The following CSTPP1 variants were observed in gnomAD, a reference collection of about 807,000 sequenced individuals.
CSTPP1 encodes centriolar satellite-associated tubulin polyglutamylase complex regulator 1.
chr11:47,081,376 G>C, the CSTPP1 span, among the ~76,000 whole-genome samples: 2 of 151,978 alleles, frequency 1.3e-5, no homozygotes, highest in African/African-American at 4.8e-5. Context: ...CTGTTATAAA[G>C]CTATAATAAT....
At chr11:47,021,154 A>G in the CSTPP1 span, among the ~76,000 whole-genome samples, 1 of 152,216 alleles carries the variant, frequency 6.6e-6, no homozygotes, top group African/African-American at 2.4e-5. Flanking sequence ...TAACCACTAC[A>G]TTGGTTTTAG....
chr11:46,983,034 A>C, the CSTPP1 span, among the ~76,000 whole-genome samples: 2,778 of 152,306 alleles, frequency 0.018, 100 homozygotes, highest in African/African-American at 0.062. Context: ...AAGAACCCAT[A>C]TTCTTAACCA....
chr11:47,132,795 C>T, the CSTPP1 span, among the ~76,000 whole-genome samples: 3 of 152,204 alleles, frequency 2.0e-5, no homozygotes, highest in Non-Finnish European at 4.4e-5. Context: ...CCTTCACAAA[C>T]CAGCTGGATC....
chr11:47,029,677 A>T, the CSTPP1 span, among the ~76,000 whole-genome samples: 4 of 151,604 alleles, frequency 2.6e-5, no homozygotes, highest in Non-Finnish European at 4.4e-5. Context: ...CTTTGGTCTT[A>T]TATATTCTGT....
chr11:47,151,400 CAA>C, the CSTPP1 span, among the ~76,000 whole-genome samples: 1 of 137,448 alleles, frequency 7.3e-6, no homozygotes. Context: ...GACTCCATCT[CAA>C]AAAAAAAAAA....
At chr11:47,059,205 G>A in the CSTPP1 span, among the ~76,000 whole-genome samples, 9 of 152,166 alleles carry the variant, frequency 5.9e-5, no homozygotes, top group African/African-American at 2.2e-4. Flanking sequence ...GGGCTGGGGG[G>A]TGAAGGAAGG....
the CSTPP1 span, among the ~76,000 whole-genome samples, chr11:47,132,562 G>T: frequency 3.3e-5 from 5 of 152,224 alleles, no homozygotes; most frequent in Non-Finnish European, 7.3e-5. Flanking sequence ...CCAAGGTTCA[G>T]GGAAGTTGTA....
chr11:47,075,286 G>T, the CSTPP1 span, among the ~76,000 whole-genome samples: 4 of 93,338 alleles, frequency 4.3e-5, no homozygotes, highest in African/African-American at 6.7e-5. Flanking sequence ...CAGGAGAATC[G>T]GTTGAACCCA....
chr11:47,125,640 G>A, the CSTPP1 span, among the ~76,000 whole-genome samples: 1 of 152,160 alleles, frequency 6.6e-6, no homozygotes, highest in African/African-American at 2.4e-5. Flanking sequence ...TCTGTGGCTT[G>A]CTCTCTTAAG....
At chr11:47,069,686 G>A in the CSTPP1 span, among the ~76,000 whole-genome samples, 106 of 152,122 alleles carry the variant, frequency 7.0e-4, no homozygotes, top group Non-Finnish European at 9.9e-4. Flanking sequence ...TTTTATTGTT[G>A]TTGTTGTTGC....
At chr11:47,087,596 G>A in the CSTPP1 span, among the ~76,000 whole-genome samples, 1 of 152,162 alleles carries the variant, frequency 6.6e-6, no homozygotes, top group Admixed American at 6.6e-5. Flanking sequence ...CTACTCAGGA[G>A]GCTGAGGCAG....
At chr11:47,028,615 A>G in the CSTPP1 span, among the ~76,000 whole-genome samples, 1 of 152,322 alleles carries the variant, frequency 6.6e-6, no homozygotes, top group Non-Finnish European at 1.5e-5. Flanking sequence ...CTGTGCAAAT[A>G]TGTTGTCTAA....
the CSTPP1 span, among the ~76,000 whole-genome samples, chr11:46,960,741 A>C: frequency 1.3e-5 from 2 of 152,138 alleles, no homozygotes; most frequent in African/African-American, 2.4e-5. Context: ...AATCTCAGCA[A>C]CTCAGGAGTC....
At chr11:46,956,964 A>G in the CSTPP1 span, among the ~76,000 whole-genome samples, 1 of 149,296 alleles carries the variant, frequency 6.7e-6, no homozygotes, top group African/African-American at 2.4e-5. Context: ...TGTAAAATAT[A>G]TATAATATAG....
chr11:47,059,237 A>C, the CSTPP1 span, among the ~76,000 whole-genome samples: 3 of 152,160 alleles, frequency 2.0e-5, no homozygotes, highest in Non-Finnish European at 2.9e-5. Context: ...GCAGGTCAAT[A>C]GTTGCAGCAA....
the CSTPP1 span, chr11:47,155,145 C>A: frequency 6.4e-7 from 1 of 1,557,144 alleles, no homozygotes; most frequent in Non-Finnish European, 8.8e-7. Context: ...CTCCCCCATT[C>A]TCTCTCTCAG....
At chr11:47,129,496 T>C in the CSTPP1 span, among the ~76,000 whole-genome samples, 1 of 152,174 alleles carries the variant, frequency 6.6e-6, no homozygotes, top group Admixed American at 6.5e-5. Flanking sequence ...ACCCTCGCCA[T>C]ATGCAGCCTG....
At chr11:46,985,759 A>T in the CSTPP1 span, among the ~76,000 whole-genome samples, 1 of 152,198 alleles carries the variant, frequency 6.6e-6, no homozygotes, top group Non-Finnish European at 1.5e-5. Context: ...GTGGTGTTTT[A>T]CCTGTATTAT....
At chr11:46,976,923 G>A in the CSTPP1 span, among the ~76,000 whole-genome samples, 2 of 152,140 alleles carry the variant, frequency 1.3e-5, no homozygotes, top group African/African-American at 4.8e-5. Context: ...CTTTTAAGTG[G>A]ACCCAAGCTA....
Sources: allele counts gnomAD v4.1 joint callset (sites outside exome capture counted in the v4.1 genomes callset), GRCh38; gene constraint gnomAD v4.1.1; transcripts MANE v1.5; gene names NCBI Gene and HGNC (gene_info 2026-07-23, HGNC 2026-07-21).